Variants in ENOX1 observed in about 807,000 individuals in gnomAD.
The protein encoded by ENOX1 is ecto-NOX disulfide-thiol exchanger 1.
In ENOX1, 42 loss-of-function variants were observed where a neutral mutation model predicts 82.5. That is an observed-to-expected ratio of 0.51 (90% CI 0.40 to 0.66). The LOEUF is 0.66. ENOX1 is among the 30% of genes least tolerant of loss of function. The pLI, the probability that ENOX1 is intolerant of heterozygous loss-of-function variation, is 0.00. For missense variants in ENOX1, 608 were observed against 811.6 expected (o/e 0.75, Z 3.05); for synonymous variants, 271 against 282.2 (o/e 0.96, Z 0.40).
rs560292726 is a variant in ENOX1 at position 43,623,433 on chromosome 13, T to C, written c.-219+44046A>G. 1.5e-4 allele frequency among the ~76,000 whole-genome samples: 23 copies of C among 152,310 alleles called. No individual in the cohort carries two copies. In the South Asian group the frequency reaches 4.8e-3, roughly 32 times the overall value. ...AGTTCCCAGGGCCCTTCTCACTGTTTCCTCTACTCCTGTATTTTGCTCAGC... is the reference window on the plus strand; with the variant it reads ...AGTTCCCAGGGCCCTTCTCACTGTTCCCTCTACTCCTGTATTTTGCTCAGC... On this transcript the variant is annotated intron_variant, in intron 2 of 16. Transcript: ENST00000690772.
intron 2 of ENOX1, among the ~76,000 whole-genome samples, chr13:43,537,185 A>C (rs1316494942): frequency 6.6e-6 from 1 of 152,206 alleles, no homozygotes; most frequent in Non-Finnish European, 1.5e-5. Flanking sequence ...TGACGTTGGC[A>C]CTCATCCACT....
At chr13:43,299,376 C>T (rs892812766) in intron 11 of ENOX1, among the ~76,000 whole-genome samples, 1 of 151,844 alleles carries the variant, frequency 6.6e-6, no homozygotes, top group Non-Finnish European at 1.5e-5. Context: ...GGGGTCTCTC[C>T]GAAAATCAAC....
At chr13:43,735,519 A>G (rs2089578484) in intron 1 of ENOX1, among the ~76,000 whole-genome samples, 1 of 152,174 alleles carries the variant, frequency 6.6e-6, no homozygotes, top group Non-Finnish European at 1.5e-5. Flanking sequence ...CAGGAGTTCA[A>G]GACCAGCCTG....
At chr13:43,377,335 T>C (rs2051710092) in intron 5 of ENOX1, among the ~76,000 whole-genome samples, 1 of 152,218 alleles carries the variant, frequency 6.6e-6, no homozygotes, top group African/African-American at 2.4e-5. Context: ...CCTCACCAGA[T>C]GGCTGAGCAG....
chr13:43,563,662 C>T (rs1001689326), intron 2 of ENOX1, among the ~76,000 whole-genome samples: 10 of 151,798 alleles, frequency 6.6e-5, no homozygotes, highest in Admixed American at 3.3e-4. Context: ...GGGAAAGACC[C>T]AGATAAATAA....
At chr13:43,640,507 G>A (rs149964676) in intron 2 of ENOX1, among the ~76,000 whole-genome samples, 67 of 152,120 alleles carry the variant, frequency 4.4e-4, no homozygotes, top group African/African-American at 9.6e-4. Flanking sequence ...CTAGATGCTC[G>A]GTACACAGAA....
At chr13:43,432,261 A>T (rs1344404159) in intron 3 of ENOX1, among the ~76,000 whole-genome samples, 1 of 152,190 alleles carries the variant, frequency 6.6e-6, no homozygotes, top group Admixed American at 6.5e-5. Context: ...ATGCAAACAA[A>T]TAAACACTCA....
chr13:43,625,000 T>C (rs1290126014), intron 2 of ENOX1, among the ~76,000 whole-genome samples: 1 of 152,090 alleles, frequency 6.6e-6, no homozygotes, highest in Admixed American at 6.5e-5. Context: ...TTCCACTCCA[T>C]AAACATGGTA....
chr13:43,511,282 A>G (rs953064009), intron 2 of ENOX1, among the ~76,000 whole-genome samples: 4 of 152,156 alleles, frequency 2.6e-5, no homozygotes, highest in Non-Finnish European at 4.4e-5. Flanking sequence ...AGCTTCTTTA[A>G]ATATAAAACA....
At chr13:43,319,952 G>A (rs959908461) in intron 11 of ENOX1, among the ~76,000 whole-genome samples, 2 of 152,210 alleles carry the variant, frequency 1.3e-5, no homozygotes, top group African/African-American at 4.8e-5. Context: ...AACAAGGGAT[G>A]TGTCACCCAA....
intron 1 of ENOX1, among the ~76,000 whole-genome samples, chr13:43,760,651 C>T (rs1291040389): frequency 6.6e-6 from 1 of 152,128 alleles, no homozygotes; most frequent in African/African-American, 2.4e-5. Flanking sequence ...CTAAATTGTT[C>T]TTCTCCTTGC....
At chr13:43,320,299 T>G (rs1052617660) in intron 11 of ENOX1, among the ~76,000 whole-genome samples, 1 of 152,206 alleles carries the variant, frequency 6.6e-6, no homozygotes, top group South Asian at 2.1e-4. Flanking sequence ...GCATTTGAAC[T>G]CCGGTTCTTT....
At chr13:43,422,144 G>C (rs1242644891) in intron 3 of ENOX1, among the ~76,000 whole-genome samples, 1 of 152,042 alleles carries the variant, frequency 6.6e-6, no homozygotes, top group Non-Finnish European at 1.5e-5. Flanking sequence ...AAATCTGTCA[G>C]ATCTTTCAAG....
chr13:43,601,788 G>T (rs2153731994), intron 2 of ENOX1, among the ~76,000 whole-genome samples: 1 of 152,260 alleles, frequency 6.6e-6, no homozygotes, highest in Middle Eastern at 3.4e-3. Flanking sequence ...ATAAGGAAAG[G>T]ATTCTAAAAG....
intron 2 of ENOX1, among the ~76,000 whole-genome samples, chr13:43,487,631 C>G (rs1039692434): frequency 5.3e-5 from 8 of 152,152 alleles, no homozygotes; most frequent in Non-Finnish European, 8.8e-5. Flanking sequence ...AAGCTCTAGA[C>G]GTGCCAATTA....
At chr13:43,291,917 G>T (rs2046021516) in intron 12 of ENOX1, among the ~76,000 whole-genome samples, 1 of 152,180 alleles carries the variant, frequency 6.6e-6, no homozygotes, top group Admixed American at 6.5e-5. Context: ...AAGCCTGCCT[G>T]TCAAAGAGCT....
rs532543458 is a variant in ENOX1 at position 43,745,382 on chromosome 13, CAT to C, written c.-285+41268_-285+41269del. ...AAAATGATTAAAACATAAAATCATA[CAT>C]ATATACAAAGGCCAAAAACTGGAAG... On this transcript the variant is annotated intron_variant, in intron 1 of 16. Coordinates refer to ENST00000690772, the MANE Select transcript of ENOX1 (RefSeq NM_001347969.2). Among the ~76,000 whole-genome samples, 46 of 152,112 alleles carry C rather than the reference CAT, an allele frequency of 3.0e-4. 1 individual carries two copies. In the South Asian group the frequency reaches 9.6e-3, roughly 32 times the overall value.
At chr13:43,487,071 T>C (rs968513443) in intron 2 of ENOX1, among the ~76,000 whole-genome samples, 4 of 151,754 alleles carry the variant, frequency 2.6e-5, no homozygotes, top group African/African-American at 7.3e-5. Flanking sequence ...CTCAGGAGGC[T>C]GAGGCAGGGA....
chr13:43,717,842 C>T (rs1043717364), intron 1 of ENOX1, among the ~76,000 whole-genome samples: 1 of 152,122 alleles, frequency 6.6e-6, no homozygotes, highest in Non-Finnish European at 1.5e-5. Context: ...GAGATACCAT[C>T]CCATACCAGT....
Sources: allele counts gnomAD v4.1 joint callset (sites outside exome capture counted in the v4.1 genomes callset), GRCh38; gene constraint gnomAD v4.1.1; transcripts MANE v1.5; gene names NCBI Gene and HGNC (gene_info 2026-07-23, HGNC 2026-07-21).